The following ABLIM1 variants were observed in gnomAD, a reference collection of about 807,000 sequenced individuals.
ABLIM1 encodes the protein actin binding LIM protein 1.
In ABLIM1, 40 loss-of-function variants were observed where a neutral mutation model predicts 107.0. The observed-to-expected ratio is 0.37, with a 90% CI of 0.29 to 0.49. The LOEUF is 0.49. Ranked by LOEUF, ABLIM1 falls within the 20% of genes least tolerant of loss-of-function variation. ABLIM1 has a pLI of 0.97. For synonymous variants in ABLIM1, 357 were observed against 357.3 expected (o/e 1.00, Z 0.01); for missense variants, 857 against 1,008.5 (o/e 0.85, Z 2.04).
chr10:114,729,505 CAG>C (rs2082029596), intron 1 of ABLIM1, among the ~76,000 whole-genome samples: 1 of 152,194 alleles, frequency 6.6e-6, no homozygotes, highest in South Asian at 2.1e-4. Context: ...CAAATTGAAA[CAG>C]AAGCTACTGA....
At chr10:114,505,901 G>A (rs1380278258) in intron 6 of ABLIM1, among the ~76,000 whole-genome samples, 1 of 152,174 alleles carries the variant, frequency 6.6e-6, no homozygotes, top group Non-Finnish European at 1.5e-5. Context: ...GGGTACATGT[G>A]CAGGTTTGTC....
At chr10:114,580,095 C>T (rs558951492) in intron 2 of ABLIM1, among the ~76,000 whole-genome samples, 3 of 151,812 alleles carry the variant, frequency 2.0e-5, no homozygotes, top group Non-Finnish European at 2.9e-5. Flanking sequence ...GTTTTATCAT[C>T]GTGTTGAACC....
intron 12 of ABLIM1, chr10:114,463,314 G>C: frequency 6.1e-6 from 5 of 822,586 alleles, no homozygotes; most frequent in Non-Finnish European, 8.3e-6. Flanking sequence ...AGGAGAAAGG[G>C]TTAAGAGTGC....
the ABLIM1 span, among the ~76,000 whole-genome samples, chr10:114,795,592 T>G: frequency 6.6e-6 from 1 of 151,808 alleles, no homozygotes; most frequent in Admixed American, 6.6e-5. Context: ...GCCTGTAGTA[T>G]CAGCCACTTG....
chr10:114,783,215 G>A, the ABLIM1 span, among the ~76,000 whole-genome samples: 1 of 152,016 alleles, frequency 6.6e-6, no homozygotes, highest in South Asian at 2.1e-4. Context: ...CTGGGAGGCA[G>A]AGGTTGCAGT....
chr10:114,627,378 C>A lies in ABLIM1; in HGVS notation c.245-25417G>T, dbSNP rs114349709. Among the ~76,000 whole-genome samples the A allele has an allele frequency of 1.2e-3, 186 of 152,262 alleles. 1 individual carries two copies. The highest frequency in any genetic ancestry group is 4.4e-3 in the African/African-American group (183 of 41,558). On this transcript the variant is annotated intron_variant, in intron 1 of 22. Coordinates refer to ENST00000533213, the MANE Select transcript of ABLIM1 (RefSeq NM_002313.7). ...CTCCCACCTTTGACCTGCCAGAGCACTGTACCAATGCCTCTTTAAACATCT... is the reference window on the plus strand; with the variant it reads ...CTCCCACCTTTGACCTGCCAGAGCAATGTACCAATGCCTCTTTAAACATCT...
intron 1 of ABLIM1, among the ~76,000 whole-genome samples, chr10:114,691,892 A>G (rs2081087469): frequency 6.6e-6 from 1 of 152,216 alleles, no homozygotes; most frequent in African/African-American, 2.4e-5. Flanking sequence ...TACATTTAAT[A>G]CAGATTTTTG....
At chr10:114,468,539 T>G (rs191642119) in intron 10 of ABLIM1, among the ~76,000 whole-genome samples, 67 of 152,062 alleles carry the variant, frequency 4.4e-4, no homozygotes, top group Middle Eastern at 3.4e-3. Flanking sequence ...CTCCCAAAGT[T>G]TTGGGATTAC....
chr10:114,553,100 A>T (rs1211352324), intron 4 of ABLIM1, among the ~76,000 whole-genome samples: 2 of 151,950 alleles, frequency 1.3e-5, no homozygotes, highest in African/African-American at 4.8e-5. Context: ...CCTTCCTGGA[A>T]TTCTCATTTG....
chr10:114,449,412 A>C (rs915602257), intron 14 of ABLIM1, among the ~76,000 whole-genome samples: 1 of 152,212 alleles, frequency 6.6e-6, no homozygotes, highest in East Asian at 1.9e-4. Flanking sequence ...AATTTGCTTA[A>C]ATAACTCAAC....
intron 1 of ABLIM1, among the ~76,000 whole-genome samples, chr10:114,648,925 C>T (rs374178878): frequency 3.4e-4 from 52 of 151,352 alleles, no homozygotes; most frequent in South Asian, 1.3e-3. Context: ...AAGTTTCACC[C>T]GAGCTGAATC....
chr10:114,632,557 A>G (rs1327242267), intron 1 of ABLIM1: 1 of 985,256 alleles, frequency 1.0e-6, no homozygotes, highest in East Asian at 1.1e-4. Flanking sequence ...AAAATGAATA[A>G]TGACATTTGG....
rs1432630881 is a variant in ABLIM1, at chr10:114,629,320, T to C, written c.245-27359A>G. ...CCGGCCATGTTCCTCGGGATGGACATTGCCAGGACCCGAGCCTCCTCGAGT... is the reference window on the plus strand; with the variant it reads ...CCGGCCATGTTCCTCGGGATGGACACTGCCAGGACCCGAGCCTCCTCGAGT... On this transcript the variant is annotated intron_variant, in intron 1 of 22. Transcript: ENST00000533213. This position sits in a 1 kb window ranked among gnomAD's most constrained non-coding sequence, Gnocchi z 4.0. 1.3e-5 allele frequency among the ~76,000 whole-genome samples: 2 copies of C among 152,244 alleles called. No individual in the cohort carries two copies. Among genetic ancestry groups the C allele is most frequent in the East Asian group, 1.9e-4 (1 of 5,170 alleles).
chr10:114,701,955 A>T (rs1311538156), intron 1 of ABLIM1, among the ~76,000 whole-genome samples: 2 of 152,190 alleles, frequency 1.3e-5, no homozygotes, highest in Non-Finnish European at 2.9e-5. Context: ...TAAGAATGGC[A>T]GAGTGTTGAA....
At chr10:114,502,605 T>C (rs753428506) in intron 6 of ABLIM1, among the ~76,000 whole-genome samples, 1 of 152,176 alleles carries the variant, frequency 6.6e-6, no homozygotes, top group East Asian at 1.9e-4. Context: ...CAAGTGATTC[T>C]AGTGCCTCAG....
Position 114,709,513 on chromosome 10 carries a change from A to G in ABLIM1, c.-213+58548T>C, listed in dbSNP as rs190092503. 7.3e-3 allele frequency among the ~76,000 whole-genome samples: 1,116 copies of G among 152,360 alleles called. 6 individuals are homozygous for G. The highest frequency in any genetic ancestry group is 0.012 in the Non-Finnish European group (834 of 68,034). Reference sequence around the variant, plus strand: ...GCCACTATGTGAAATGGAGATGATCAAAATTCCTATATTTATTGATCTAAA... The same window carrying G: ...GCCACTATGTGAAATGGAGATGATCGAAATTCCTATATTTATTGATCTAAA... On this transcript the variant is annotated intron_variant, in intron 1 of 15. Coordinates refer to the ABLIM1 transcript ENST00000651092.
At chr10:114,565,876 G>A (rs577916705) in intron 4 of ABLIM1, among the ~76,000 whole-genome samples, 1 of 132,230 alleles carries the variant, frequency 7.6e-6, no homozygotes, top group Admixed American at 8.6e-5. Flanking sequence ...CTCACTGCAA[G>A]CTCCGCCTCC....
At chr10:114,735,806 C>T (rs1319405238) in intron 1 of ABLIM1, among the ~76,000 whole-genome samples, 2 of 152,170 alleles carry the variant, frequency 1.3e-5, no homozygotes, top group Non-Finnish European at 2.9e-5. Flanking sequence ...TTCAGTCAAA[C>T]TGTTGTTGTG....
At chr10:114,771,347 G>A (rs772944401), upstream of ABLIM1, among the ~76,000 whole-genome samples, 26 of 152,154 alleles carry the variant, frequency 1.7e-4, no homozygotes, top group Non-Finnish European at 1.9e-4. Flanking sequence ...ATACTGTTAG[G>A]CACATAGCAA....
Sources: gnomAD v4.1 joint callset for allele counts (sites outside exome capture counted in the v4.1 genomes callset) on GRCh38, gnomAD v4.1.1 for gene constraint, Gnocchi (gnomAD v3.1) non-coding constraint, MANE v1.5 for transcripts, NCBI Gene and HGNC (gene_info 2026-07-23, HGNC 2026-07-21) for gene names.